RASA3: variants seen among roughly 807,000 people sequenced by gnomAD.
The protein encoded by RASA3 is RAS p21 protein activator 3, also known as ras GTPase-activating protein 3.
A neutral mutation model predicts 110.0 loss-of-function variants in RASA3; 73 were observed. That is an observed-to-expected ratio of 0.66 (90% CI 0.55 to 0.81). The LOEUF (loss-of-function observed/expected upper bound fraction) is 0.81, where lower values mean the gene tolerates loss of function less well. Among genes scored for constraint, RASA3 ranks in the 30% least tolerant of loss-of-function variants. The pLI is 0.00. For missense variants in RASA3, 976 were observed against 1,113.2 expected (o/e 0.88, Z 1.75); for synonymous variants, 500 against 451.4 (o/e 1.11, Z -1.37).
At position 114,057,367 on chromosome 13, in the gene RASA3, C is replaced by G; in HGVS notation, c.174-5212G>C. On this transcript the variant is annotated intron_variant, in intron 2 of 23. Coordinates refer to ENST00000334062, the MANE Select transcript of RASA3 (RefSeq NM_007368.4). This position sits in a 1 kb window ranked among gnomAD's most constrained non-coding sequence, Gnocchi z 5.0. ...GCTTCATTCCCACGAGCTGGACGAGCAGAAGGCATTGCAGGGCAGTGGGGT... is the reference window on the plus strand; with the variant it reads ...GCTTCATTCCCACGAGCTGGACGAGGAGAAGGCATTGCAGGGCAGTGGGGT... The G allele has an allele frequency of 1.0e-6, 1 of 985,360 alleles. No homozygotes were observed. The highest frequency in any genetic ancestry group is 1.2e-6 in the Non-Finnish European group (1 of 829,918). The allele number at this position is 985,360 out of a possible 1,614,324, so 61.0% of individuals were successfully genotyped here.
intron 9 of RASA3, among the ~76,000 whole-genome samples, chr13:114,020,353 C>A (rs2053900102): frequency 6.6e-6 from 1 of 152,240 alleles, no homozygotes; most frequent in South Asian, 2.1e-4. Flanking sequence ...GAGGCATTAG[C>A]ACCCTGGGGC....
At chr13:114,118,286 C>T (rs887947755) in intron 1 of RASA3, among the ~76,000 whole-genome samples, 1 of 152,080 alleles carries the variant, frequency 6.6e-6, no homozygotes, top group East Asian at 1.9e-4. Context: ...CAAACTCAGG[C>T]CCACCCCCGC....
chr13:114,100,233 G>C, intron 1 of RASA3, among the ~76,000 whole-genome samples: 1 of 151,822 alleles, frequency 6.6e-6, no homozygotes, highest in East Asian at 2.0e-4. Flanking sequence ...CTGAGGGCGC[G>C]CCGATGTGGA....
chr13:114,057,807 GC>G lies in RASA3; in HGVS notation c.174-5653del, dbSNP rs1288430006. On this transcript the variant is annotated intron_variant, in intron 2 of 23. Transcript: ENST00000334062. This position sits in a 1 kb window ranked among gnomAD's most constrained non-coding sequence, Gnocchi z 5.0. ...CCCAGACCTGGAAGGGGCACCTCTG[GC>G]CAGGGCGCTCAGCACGAGGGGACCC... Among the ~76,000 whole-genome samples the G allele has an allele frequency of 6.6e-6, 1 of 152,198 alleles. No homozygotes were observed. The highest frequency in any genetic ancestry group is 2.4e-5 in the African/African-American group (1 of 41,442).
At chr13:114,001,658 G>A (rs541076846) in intron 18 of RASA3, among the ~76,000 whole-genome samples, 283 of 139,370 alleles carry the variant, frequency 2.0e-3, no homozygotes, top group African/African-American at 6.7e-3. Flanking sequence ...GAGGACCTGC[G>A]GCCGTGGGCT....
intron 1 of RASA3, among the ~76,000 whole-genome samples, chr13:114,089,645 C>T (rs1009130406): frequency 1.3e-5 from 2 of 152,226 alleles, no homozygotes; most frequent in African/African-American, 4.8e-5. Flanking sequence ...GGCCGCCCCA[C>T]AGCCTGCACA....
rs779679620 is a variant in RASA3, at chr13:113,992,509, T to C, written c.2221A>G (p.Met741Val). 15 of 1,613,486 alleles carry C rather than the reference T, an allele frequency of 9.3e-6. No individual in the cohort carries two copies. The East Asian group carries it at 1.1e-4, about 12-fold the overall frequency. ...CCCTGCATCTTCTCCAGCTTGCTCA[T>C]GTACAAGTTGAAGAGGGAGTAGATA... is the stretch of plus-strand genomic sequence containing the variant. ...ERIYSLFNLYMSKLEKMQEAC... is the reference protein window; with the variant it reads ...ERIYSLFNLYVSKLEKMQEAC... The change falls in exon 22 of 24, where the codon ATG becomes GTG. Residue 741 changes from methionine (M) to valine (V), a missense_variant. By Grantham distance (21) the Met-to-Val change is conservative (BLOSUM62 1). This residue lies in a region of RASA3 where 132 missense variants were observed against 152.8 expected (regional missense o/e 0.86). Transcript: ENST00000334062.
intron 1 of RASA3, among the ~76,000 whole-genome samples, chr13:114,083,068 C>G (rs180857292): frequency 3.5e-4 from 54 of 152,364 alleles, no homozygotes; most frequent in African/African-American, 1.2e-3. Flanking sequence ...ACCATTAAAA[C>G]ATTTCTCCCA....
intron 2 of RASA3, among the ~76,000 whole-genome samples, chr13:114,060,665 C>T (rs927834844): frequency 2.0e-5 from 3 of 152,208 alleles, no homozygotes; most frequent in Non-Finnish European, 4.4e-5. Flanking sequence ...TCCAGTGAGG[C>T]GAGAGGCGGG....
chr13:114,115,148 C>T lies in RASA3; in HGVS notation c.55+17287G>A, dbSNP rs563519162. On this transcript the variant is annotated intron_variant, in intron 1 of 23. Coordinates refer to ENST00000334062, the MANE Select transcript of RASA3 (RefSeq NM_007368.4). This position sits in a 1 kb window ranked among gnomAD's most constrained non-coding sequence, Gnocchi z 5.0. ...AACAAGGCACAGGGCCAGGTCTGGC[C>T]GTGTAAAAATACTTGGAACCCATGG... is the stretch of plus-strand genomic sequence containing the variant. 9.2e-5 allele frequency among the ~76,000 whole-genome samples: 14 copies of T among 152,300 alleles called. No homozygotes were observed. In the South Asian group the frequency reaches 1.5e-3, roughly 16 times the overall value.
chr13:114,007,872 A>AG (rs1437313609), intron 17 of RASA3, among the ~76,000 whole-genome samples: 1 of 152,244 alleles, frequency 6.6e-6, no homozygotes, highest in Non-Finnish European at 1.5e-5. Flanking sequence ...GAGGCCACCC[A>AG]GGGGTGACTC....
At chr13:114,078,331 T>C (rs4883676) in intron 1 of RASA3, among the ~76,000 whole-genome samples, 66,405 of 152,144 alleles carry the variant, frequency 0.44, 14,956 homozygotes, top group East Asian at 0.56. Context: ...TTCTCTTTTT[T>C]TTCTGGTGCA....
chr13:114,009,131 C>T (rs543526285), intron 17 of RASA3, among the ~76,000 whole-genome samples: 3 of 152,226 alleles, frequency 2.0e-5, no homozygotes, highest in African/African-American at 7.2e-5. Context: ...GGGGCTCAGA[C>T]ACAGAACAAG....
At chr13:114,034,965 C>T (rs1268668016) in intron 4 of RASA3, among the ~76,000 whole-genome samples, 2 of 149,942 alleles carry the variant, frequency 1.3e-5, no homozygotes, top group African/African-American at 2.5e-5. Context: ...GAGATCTGAA[C>T]GCTGACCTGA....
chr13:114,094,610 TA>T (rs552633929), intron 1 of RASA3, among the ~76,000 whole-genome samples: 16 of 152,086 alleles, frequency 1.1e-4, no homozygotes, highest in Admixed American at 8.5e-4. Flanking sequence ...TTTTGCAACT[TA>T]AAAAAAACAT....
chr13:114,117,779 TGA>T (rs1339883074), intron 1 of RASA3, among the ~76,000 whole-genome samples: 1 of 103,230 alleles, frequency 9.7e-6, no homozygotes, highest in East Asian at 3.0e-4. Context: ...AGCACGTGTG[TGA>T]GGAGAGCACG....
intron 4 of RASA3, among the ~76,000 whole-genome samples, chr13:114,033,275 AC>A (rs2054212372): frequency 1.6e-5 from 1 of 62,750 alleles, no homozygotes; most frequent in Non-Finnish European, 3.0e-5. Flanking sequence ...GTTCCATGGC[AC>A]CCCCACACTG....
intron 8 of RASA3, 69 bp downstream of exon 8, chr13:114,024,210 A>G: frequency 7.1e-7 from 1 of 1,409,760 alleles, no homozygotes; most frequent in African/African-American, 1.4e-5. Context: ...TTTAGTAACA[A>G]AGAACAAAAG....
chr13:113,980,020 G>A (rs1358068466), intron 23 of RASA3, among the ~76,000 whole-genome samples: 2 of 135,780 alleles, frequency 1.5e-5, no homozygotes, highest in East Asian at 2.2e-4. Flanking sequence ...CACCTCCCAC[G>A]TGTGCACCTG....
Sources: allele counts gnomAD v4.1 joint callset (sites outside exome capture counted in the v4.1 genomes callset), GRCh38; gene constraint gnomAD v4.1.1; regional missense constraint gnomAD v4.1.1; non-coding constraint Gnocchi (gnomAD v3.1); transcripts MANE v1.5; gene names NCBI Gene and HGNC (gene_info 2026-07-23, HGNC 2026-07-21).